Variants in TRPM7 observed in about 807,000 individuals in gnomAD.
TRPM7 encodes LTRPC ion channel family member 7.
Under a neutral mutation model 229.7 loss-of-function variants are expected in TRPM7, and 134 were observed. That is an observed-to-expected ratio of 0.58 (90% CI 0.51 to 0.67). The LOEUF (loss-of-function observed/expected upper bound fraction) is 0.67. TRPM7 is among the 30% of genes least tolerant of loss of function. The pLI, the probability that TRPM7 is intolerant of heterozygous loss-of-function variation, is 0.00. For missense variants in TRPM7, 1,901 were observed against 2,210.0 expected (o/e 0.86, Z 2.80); for synonymous variants, 699 against 715.2 (o/e 0.98, Z 0.36).
intron 1 of TRPM7, among the ~76,000 whole-genome samples, chr15:50,677,517 G>A (rs922203859): frequency 7.2e-5 from 11 of 151,938 alleles, no homozygotes; most frequent in African/African-American, 2.7e-4. Flanking sequence ...AAGGCAGGCG[G>A]ATCGCAAGGT....
rs16963808 is a variant in TRPM7, at chr15:50,607,153, T to G, written c.2709+47A>C. On this transcript the variant is annotated intron_variant, in intron 20 of 38. Transcript: ENST00000646667. ...CCAAAACAAAACAAAACAGAAAATC[T>G]TCCATGTATACAGTAAATTATTGGT... 6,131 of 1,553,434 alleles carry G rather than the reference T, an allele frequency of 3.9e-3. 218 individuals are homozygous for G. In the African/African-American group the frequency reaches 0.073, roughly 18 times the overall value.
Position 50,596,235 on chromosome 15 carries a change from C to A in TRPM7, c.3290+20G>T, listed in dbSNP as rs200613673. On this transcript the variant is annotated intron_variant, in intron 23 of 38. Transcript: ENST00000646667. ...GCATATTAAATCATCTTATAACAAA[C>A]AATTGAACAAAATTCTTACTTGAAA... The A allele has an allele frequency of 2.0e-3, 2,896 of 1,441,450 alleles. 9 individuals are homozygous for A. Among genetic ancestry groups the A allele is most frequent in the Non-Finnish European group, 2.5e-3 (2,705 of 1,074,754 alleles). 89.3% of individuals were successfully genotyped at this position (1,441,450 alleles called of 1,614,324 possible). A position where few individuals can be genotyped will look rare whatever the true frequency, so the allele number is the denominator to read the frequency against.
At chr15:50,684,429 TC>T (rs2062314208) in intron 1 of TRPM7, among the ~76,000 whole-genome samples, 1 of 151,954 alleles carries the variant, frequency 6.6e-6, no homozygotes, top group African/African-American at 2.4e-5. Flanking sequence ...TCACTGGACA[TC>T]AGGAGTTCAA....
In TRPM7 at chr15:50,596,238, T is replaced by G; in HGVS notation, c.3290+17A>C. On this transcript the variant is annotated intron_variant, in intron 23 of 38. Transcript: ENST00000646667. ...TATTAAATCATCTTATAACAAACAA[T>G]TGAACAAAATTCTTACTTGAAAAAT... 2.1e-6 allele frequency: 3 copies of G among 1,449,882 alleles called. No homozygotes were observed. The highest frequency in any genetic ancestry group is 1.9e-6 in the Non-Finnish European group (2 of 1,080,046). The allele number at this position is 1,449,882 out of a possible 1,614,324, so 89.8% of individuals were successfully genotyped here. A position where few individuals can be genotyped will look rare whatever the true frequency, so the allele number is the denominator to read the frequency against.
chr15:50,639,382 C>T, intron 6 of TRPM7, 42 bp downstream of exon 6: 1 of 1,478,720 alleles, frequency 6.8e-7, no homozygotes, highest in Non-Finnish European at 9.1e-7. Context: ...ATTTTGTTTA[C>T]ATATAATTTC....
intron 12 of TRPM7, 81 bp downstream of exon 12, chr15:50,624,085 A>G: frequency 7.2e-7 from 1 of 1,387,214 alleles, no homozygotes; most frequent in South Asian, 1.5e-5. Context: ...GGTTTTATCA[A>G]TAGGAATGGC....
chr15:50,624,678 T>A (rs2060507136), intron 11 of TRPM7, among the ~76,000 whole-genome samples: 1 of 152,210 alleles, frequency 6.6e-6, no homozygotes, highest in Admixed American at 6.5e-5. Context: ...GTTACTAACA[T>A]TTAATGGGTA....
intron 17 of TRPM7, 131 bp downstream of exon 17, chr15:50,610,962 T>C: frequency 1.5e-6 from 1 of 682,080 alleles, no homozygotes; most frequent in Non-Finnish European, 2.4e-6. Flanking sequence ...ATGCCAATCA[T>C]CCATCTTGCT....
chr15:50,655,876 G>A (rs893974900), intron 3 of TRPM7, among the ~76,000 whole-genome samples: 2 of 152,064 alleles, frequency 1.3e-5, no homozygotes. Flanking sequence ...TGTAATCCCA[G>A]CTTCTGGGGA....
rs141015992 is a variant in TRPM7 at position 50,620,873 on chromosome 15, G to A, written c.1441-1075C>T. ...CTTGAACCCGGGAGGCGGAGGTTGC[G>A]GTAAGCCGAGATCGCGTCATTGCAC... On this transcript the variant is annotated intron_variant, in intron 12 of 38. Coordinates refer to ENST00000646667, the MANE Select transcript of TRPM7 (RefSeq NM_017672.6). Among the ~76,000 whole-genome samples, 1,382 of 151,800 alleles carry A rather than the reference G, an allele frequency of 9.1e-3. 32 individuals carry two copies. Among genetic ancestry groups the A allele is most frequent in the African/African-American group, 0.032 (1,330 of 41,414 alleles).
chr15:50,663,299 T>C (rs1200798984), intron 1 of TRPM7, among the ~76,000 whole-genome samples: 1 of 152,208 alleles, frequency 6.6e-6, no homozygotes, highest in Non-Finnish European at 1.5e-5. Flanking sequence ...CAGATAATTT[T>C]GTATTTTTTT....
At chr15:50,645,270 G>A (rs376351029) in intron 4 of TRPM7, among the ~76,000 whole-genome samples, 3 of 152,150 alleles carry the variant, frequency 2.0e-5, no homozygotes, top group South Asian at 4.1e-4. Flanking sequence ...TTGAACTCCC[G>A]GGCTCAAGTG....
rs2054067901 is a variant in TRPM7 at position 50,575,073 on chromosome 15, A to G, written c.4798T>C (p.Ser1600Pro). ...CAGAGGCCTAGTTGTGACCAAGAAG[A>G]CATGCTGTTATTTAGTATGTTGGGT... ...SSPNILNNSM[S>P]SWSQLGLCAK... The change falls in exon 34 of 39, where the codon TCT becomes CCT. Residue 1600 changes from serine (S) to proline (P), a missense_variant. Coordinates refer to ENST00000646667, the MANE Select transcript of TRPM7 (RefSeq NM_017672.6). The G allele has an allele frequency of 1.2e-6, 2 of 1,614,136 alleles. No homozygotes were observed. Among genetic ancestry groups the G allele is most frequent in the Non-Finnish European group, 1.7e-6 (2 of 1,179,992 alleles).
At chr15:50,620,403 G>A (rs1194483799) in intron 12 of TRPM7, among the ~76,000 whole-genome samples, 1 of 151,662 alleles carries the variant, frequency 6.6e-6, no homozygotes, top group Non-Finnish European at 1.5e-5. Flanking sequence ...GCCCAGGAAA[G>A]CCAAAAGATT....
intron 1 of TRPM7, among the ~76,000 whole-genome samples, chr15:50,683,961 C>T (rs962217122): frequency 1.3e-5 from 2 of 151,150 alleles, no homozygotes; most frequent in East Asian, 2.0e-4. Flanking sequence ...CCAAGTTCAA[C>T]GGAGTCTCCT....
intron 22 of TRPM7, among the ~76,000 whole-genome samples, chr15:50,597,975 AGCC>A (rs1349579132): frequency 6.6e-6 from 1 of 152,064 alleles, no homozygotes; most frequent in East Asian, 1.9e-4. Flanking sequence ...ACCAAACAGA[AGCC>A]ATTAAACACA....
At chr15:50,628,281 C>A in intron 10 of TRPM7, 32 bp from the exon 11 acceptor site, 10 of 1,416,934 alleles carry the variant, frequency 7.1e-6, no homozygotes, top group South Asian at 1.2e-5. Context: ...TTGACAGGTT[C>A]AATTAATTTA....
At chr15:50,574,250 T>C (rs1163731118) in intron 36 of TRPM7, 24 bp downstream of exon 36, 1 of 1,582,654 alleles carries the variant, frequency 6.3e-7, no homozygotes, top group Non-Finnish European at 8.7e-7. Context: ...GAATTTCACC[T>C]TAGCAATATT....
At position 50,599,135 on chromosome 15, in the gene TRPM7, T is replaced by C. The variant is rs1360164691; in HGVS notation, c.3150A>G (p.Ala1050=). ...TACAATTCTTACCATCAATTTCGTATGCATAAACTTCACCAAAAATCATCC... is the reference window on the plus strand; with the variant it reads ...TACAATTCTTACCATCAATTTCGTACGCATAAACTTCACCAAAAATCATCC... ...PYWMIFGEVY[A]YEIDVCANDS... is the part of the protein sequence containing the mutation. The change falls in exon 22 of 39, where the codon GCA becomes GCG. Residue 1050 remains alanine, a synonymous_variant. Coordinates refer to ENST00000646667, the MANE Select transcript of TRPM7 (RefSeq NM_017672.6). The C allele has an allele frequency of 3.1e-6, 5 of 1,599,470 alleles. No individual in the cohort carries two copies. Among genetic ancestry groups the C allele is most frequent in the Non-Finnish European group, 4.3e-6 (5 of 1,174,944 alleles).
Sources: gnomAD v4.1 joint callset for allele counts (sites outside exome capture counted in the v4.1 genomes callset) on GRCh38, gnomAD v4.1.1 for gene constraint, MANE v1.5 for transcripts, NCBI Gene and HGNC (gene_info 2026-07-23, HGNC 2026-07-21) for gene names.